Variants in CCDC187 observed in about 807,000 individuals in gnomAD.
The protein encoded by CCDC187 is coiled-coil domain containing 187.
In CCDC187, 32 loss-of-function variants were observed where a neutral mutation model predicts 38.0. That is an observed-to-expected ratio of 0.84 (90% CI 0.64 to 1.13). The LOEUF (loss-of-function observed/expected upper bound fraction) is 1.13. Among genes scored for constraint, CCDC187 ranks in the 50% most tolerant of loss-of-function variants. CCDC187 has a pLI of 0.00. For missense variants in CCDC187, 707 were observed against 786.8 expected, an observed-to-expected ratio of 0.90 and a Z score of 1.21; for synonymous variants, 333 against 347.9, an observed-to-expected ratio of 0.96 and a Z score of 0.48.
rs1055202026 is a variant in CCDC187 at position 136,279,369 on chromosome 9, C to A, written c.3040+2182G>T. Among the ~76,000 whole-genome samples, 67 of 152,308 alleles carry A rather than the reference C, an allele frequency of 4.4e-4. No homozygotes were observed. In the South Asian group the frequency reaches 0.01, roughly 23 times the overall value. Reference sequence around the variant, plus strand: ...AAGATTCTCTCGGACAGTGCTGCCTCCAGTCATAAAAACTAGACCCAACAG... The same window carrying A: ...AAGATTCTCTCGGACAGTGCTGCCTACAGTCATAAAAACTAGACCCAACAG... On this transcript the variant is annotated intron_variant, in intron 10 of 25. Coordinates refer to ENST00000638797, the MANE Select transcript of CCDC187 (RefSeq NM_001378188.1).
intron 17 of CCDC187, among the ~76,000 whole-genome samples, chr9:136,265,231 C>T (rs572884374): frequency 2.3e-4 from 35 of 152,352 alleles, no homozygotes; most frequent in African/African-American, 7.7e-4. Context: ...GCCTTGCTCT[C>T]TGCCGCAGGC....
chr9:136,259,123 G>T (rs1160249497), intron 21 of CCDC187, 122 bp from the exon 22 acceptor site: 3 of 775,880 alleles, frequency 3.9e-6, no homozygotes, highest in Non-Finnish European at 4.7e-6. Context: ...GGGACAGCCG[G>T]GGGCGGACAG....
intron 16 of CCDC187, 75 bp from the exon 17 acceptor site, chr9:136,266,118 C>T: frequency 1.1e-6 from 1 of 875,644 alleles, no homozygotes; most frequent in East Asian, 1.2e-4. Flanking sequence ...CAGACACAGC[C>T]AGCCCTGGTC....
intron 7 of CCDC187, among the ~76,000 whole-genome samples, chr9:136,288,714 C>T (rs1588667001): frequency 2.6e-5 from 4 of 152,048 alleles, no homozygotes; most frequent in Admixed American, 1.3e-4. Flanking sequence ...GTGTGATTCA[C>T]GATGCCCCAG....
intron 14 of CCDC187, among the ~76,000 whole-genome samples, chr9:136,269,632 G>A (rs1436176574): frequency 2.6e-5 from 4 of 152,058 alleles, no homozygotes; most frequent in African/African-American, 9.7e-5. Flanking sequence ...TGGCAACAGA[G>A]TGAGACTGTC....
chr9:136,295,170 G>A (rs1831504950), intron 4 of CCDC187, among the ~76,000 whole-genome samples: 1 of 152,210 alleles, frequency 6.6e-6, no homozygotes, highest in African/African-American at 2.4e-5. Flanking sequence ...GGGTTTCGGG[G>A]GGGACCCAGC....
Position 136,250,710 on chromosome 9 carries a change from G to C in CCDC187, c.*2884C>G, listed in dbSNP as rs1218174033. 4.4e-6 allele frequency: 2 copies of C among 456,058 alleles called. No individual in the cohort carries two copies. The highest frequency in any genetic ancestry group is 8.8e-6 in the Non-Finnish European group (2 of 226,868). 28.3% of individuals were successfully genotyped at this position (456,058 alleles called of 1,614,324 possible). A position where few individuals can be genotyped will look rare whatever the true frequency, so the allele number is the denominator to read the frequency against. ...GCATTCTCAGGTGGGCTGGGCAGGA[G>C]CTGGTGCAAAATCAGATGCATGGCC... is the stretch of plus-strand genomic sequence containing the variant. On this transcript the variant is annotated 3_prime_UTR_variant, in exon 26 of 26. Coordinates refer to ENST00000638797, the MANE Select transcript of CCDC187 (RefSeq NM_001378188.1).
upstream of CCDC187, among the ~76,000 whole-genome samples, chr9:136,304,761 A>T (rs1426715112): frequency 6.6e-6 from 1 of 152,300 alleles, no homozygotes; most frequent in South Asian, 2.1e-4. Context: ...GCCCCTGGTG[A>T]GTCCATCCCC....
intron 14 of CCDC187, among the ~76,000 whole-genome samples, chr9:136,272,425 G>T: frequency 6.6e-6 from 1 of 151,948 alleles, no homozygotes; most frequent in Non-Finnish European, 1.5e-5. Flanking sequence ...AAAAATGGCC[G>T]GGCGTGGTGG....
chr9:136,284,284 A>T (rs942360568), intron 9 of CCDC187, among the ~76,000 whole-genome samples: 17,114 of 152,154 alleles, frequency 0.11, 1,337 homozygotes, highest in Admixed American at 0.19. Flanking sequence ...GCCACCCAGC[A>T]GAAGACAGCT....
chr9:136,295,032 G>T (rs1831501077), intron 4 of CCDC187, among the ~76,000 whole-genome samples: 1 of 152,214 alleles, frequency 6.6e-6, no homozygotes, highest in African/African-American at 2.4e-5. Context: ...CTCCCATAGG[G>T]CCACAAGAAT....
chr9:136,304,983 A>T (rs1831776963), upstream of CCDC187, among the ~76,000 whole-genome samples: 1 of 152,194 alleles, frequency 6.6e-6, no homozygotes, highest in Non-Finnish European at 1.5e-5. Flanking sequence ...AAACGCCTGG[A>T]GACACCGCCC....
intron 10 of CCDC187, among the ~76,000 whole-genome samples, chr9:136,277,493 C>T (rs1210234212): frequency 8.1e-4 from 6 of 7,386 alleles, no homozygotes; most frequent in Admixed American, 3.8e-3. Flanking sequence ...AGGGGGTGGG[C>T]AGGTGCTGAG....
At chr9:136,286,740 C>T (rs997317785) in intron 7 of CCDC187, 45 bp from the exon 8 acceptor site, 48 of 398,474 alleles carry the variant, frequency 1.2e-4, no homozygotes, top group Middle Eastern at 1.2e-3. Context: ...GCTCGGTCGC[C>T]CCAGCAGGGC....
In CCDC187 at chr9:136,251,160, C is replaced by T. The variant is rs1554759349; in HGVS notation, c.*2434G>A. 2.5e-6 allele frequency: 1 copy of T among 392,378 alleles called. No homozygotes were observed. The highest frequency in any genetic ancestry group is 1.8e-5 in the South Asian group (1 of 56,724). The allele number at this position is 392,378 out of a possible 1,614,324, so 24.3% of individuals were successfully genotyped here. A position where few individuals can be genotyped will look rare whatever the true frequency, so the allele number is the denominator to read the frequency against. Reference sequence around the variant, plus strand: ...CACAGATGTCCCTAAGGCCAACACGCTGCTCATCAACTCCGCATTCAAGAA... The same window carrying T: ...CACAGATGTCCCTAAGGCCAACACGTTGCTCATCAACTCCGCATTCAAGAA... On this transcript the variant is annotated 3_prime_UTR_variant, in exon 26 of 26. Transcript: ENST00000638797.
At chr9:136,293,492 T>C (rs1296752982) in intron 4 of CCDC187, among the ~76,000 whole-genome samples, 4 of 133,720 alleles carry the variant, frequency 3.0e-5, no homozygotes, top group Non-Finnish European at 4.7e-5. Context: ...CACAAACACA[T>C]GCTCACACAC....
chr9:136,263,297 T>TGCG (rs1554761225), intron 18 of CCDC187, among the ~76,000 whole-genome samples: 4 of 146,486 alleles, frequency 2.7e-5, no homozygotes, highest in Non-Finnish European at 4.5e-5. Flanking sequence ...TGCAGTGGCA[T>TGCG]ATCTCGGCTC....
At position 136,256,774 on chromosome 9, in the gene CCDC187, C is replaced by T. The variant is rs1483798051; in HGVS notation, c.4434G>A (p.Val1478=). The T allele has an allele frequency of 6.6e-6, 1 of 152,260 alleles. No individual in the cohort carries two copies. Among genetic ancestry groups the T allele is most frequent in the Non-Finnish European group, 1.5e-5 (1 of 68,050 alleles). 9.4% of individuals were successfully genotyped at this position (152,260 alleles called of 1,614,324 possible). A position where few individuals can be genotyped will look rare whatever the true frequency, so the allele number is the denominator to read the frequency against. ...GTCGGCTGCGTTCCCTGAAGCTCCC[C>T]ACATGGCTGTCTGTTGGAGCCCGGG... is the stretch of plus-strand genomic sequence containing the variant. ...GKPRAPTDSH[V]GSFRERSRRS... is the part of the protein sequence containing the mutation. Residue 1478 remains valine (V), a synonymous_variant, in exon 23 of 26, where the codon GTG becomes GTA. Coordinates refer to ENST00000638797, the MANE Select transcript of CCDC187 (RefSeq NM_001378188.1).
chr9:136,253,949 G>C lies in CCDC187; in HGVS notation c.5879C>G (p.Ala1960Gly). 1.0e-6 allele frequency: 1 copy of C among 985,562 alleles called. No homozygotes were observed. Among genetic ancestry groups the C allele is most frequent in the African/African-American group, 1.7e-5 (1 of 57,336 alleles). 61.1% of individuals were successfully genotyped at this position (985,562 alleles called of 1,614,324 possible). ...RLAPPVAESR[A>G]PGPGGNGAPT... ...GGCCCCATTCCCACCAGGCCCAGGC[G>C]CCCGGCTCTCAGCTACTGGAGGTGC... The change falls in exon 26 of 26, where the codon GCG (alanine) becomes GGG (glycine). Residue 1960 changes from alanine to glycine, a missense_variant. Transcript: ENST00000638797.
Sources: gnomAD v4.1 joint callset for allele counts (sites outside exome capture counted in the v4.1 genomes callset) on GRCh38, gnomAD v4.1.1 for gene constraint, MANE v1.5 for transcripts, NCBI Gene and HGNC (gene_info 2026-07-23, HGNC 2026-07-21) for gene names.